The following NAV2 variants were observed in gnomAD, a reference collection of about 807,000 sequenced individuals.
The protein encoded by NAV2 is neuron navigator 2.
NAV2 carries 54 observed loss-of-function variants against 223.2 expected under a neutral mutation model. That is an observed-to-expected ratio of 0.24 (90% confidence interval 0.19 to 0.30). The LOEUF (loss-of-function observed/expected upper bound fraction) is 0.30, where lower values mean the gene tolerates loss of function less well. Ranked by LOEUF, NAV2 falls within the 10% of genes least tolerant of loss-of-function variation. The probability of loss-of-function intolerance (pLI) is 1.00; values close to 1 mark genes in which losing one functional copy is unlikely to be tolerated. For missense variants in NAV2, 2,806 were observed against 3,147.5 expected (o/e 0.89, Z 2.60); for synonymous variants, 1,279 against 1,239.3 (o/e 1.03, Z -0.67).
chr11:19,488,561 A>G (rs2042523713), intron 1 of NAV2, among the ~76,000 whole-genome samples: 1 of 152,156 alleles, frequency 6.6e-6, no homozygotes, highest in African/African-American at 2.4e-5. Flanking sequence ...CCAGATGTGT[A>G]CCCTACAGGG....
rs547842452 is a variant in NAV2, at chr11:19,851,639, C to T, written c.438+8716C>T. Among the ~76,000 whole-genome samples the T allele has an allele frequency of 5.0e-4, 76 of 152,296 alleles. No individual in the cohort carries two copies. The South Asian group carries it at 6.0e-3, about 12-fold the overall frequency. ...AGTTAATGCAAGTGAGAAGGTCATT[C>T]CCTGCCCTGTTTACAAGTCACATAT... is the stretch of plus-strand genomic sequence containing the variant. On this transcript the variant is annotated intron_variant, in intron 3 of 37. Coordinates refer to ENST00000349880, the MANE Select transcript of NAV2 (RefSeq NM_145117.5).
chr11:20,048,431 G>A (rs2153596436), intron 14 of NAV2, among the ~76,000 whole-genome samples: 1 of 152,318 alleles, frequency 6.6e-6, no homozygotes, highest in Admixed American at 6.5e-5. Flanking sequence ...GCAAGATCTT[G>A]GCCCAGTGTC....
chr11:19,621,049 A>G (rs912853852), intron 1 of NAV2, among the ~76,000 whole-genome samples: 2 of 152,180 alleles, frequency 1.3e-5, no homozygotes, highest in Non-Finnish European at 2.9e-5. Flanking sequence ...TTCTGTTTAT[A>G]TGACGGATTA....
intron 7 of NAV2, 101 bp downstream of exon 7, chr11:19,934,378 G>C: frequency 2.2e-6 from 3 of 1,350,126 alleles, no homozygotes; most frequent in Non-Finnish European, 2.9e-6. Context: ...TGTGCTCCAG[G>C]AATACTTAAG....
chr11:19,923,389 C>CAA (rs148743875), intron 6 of NAV2, among the ~76,000 whole-genome samples: 238 of 149,908 alleles, frequency 1.6e-3, no homozygotes, highest in Middle Eastern at 6.9e-3. Context: ...GTCCTGTAGA[C>CAA]AAAAAAAAAA....
At chr11:19,932,257 A>AAAAAAAAAAAAAAAAAAAAAAAAAAAG (rs1555153008) in intron 6 of NAV2, among the ~76,000 whole-genome samples, 2 of 100,006 alleles carry the variant, frequency 2.0e-5, no homozygotes, top group Admixed American at 1.2e-4. Flanking sequence ...AAAAAAAAAA[A>AAAAAAAAAAAAAAAAAAAAAAAAAAAG]AAAGAAAGAA....
intron 11 of NAV2, among the ~76,000 whole-genome samples, chr11:20,017,242 A>G (rs1344805156): frequency 1.3e-5 from 2 of 152,096 alleles, no homozygotes; most frequent in Non-Finnish European, 2.9e-5. Flanking sequence ...TTTTCCACTA[A>G]TGTCCCCACA....
At chr11:20,079,918 A>C in intron 24 of NAV2, 146 bp from the exon 25 acceptor site, 1 of 747,632 alleles carries the variant, frequency 1.3e-6, no homozygotes, top group Non-Finnish European at 2.1e-6. Context: ...GGATCTTAGA[A>C]ACAGCTGTAG....
chr11:19,924,929 C>T (rs2044604569), intron 6 of NAV2, among the ~76,000 whole-genome samples: 1 of 152,136 alleles, frequency 6.6e-6, no homozygotes, highest in East Asian at 1.9e-4. Context: ...CATCTACTAA[C>T]CACAATGCAG....
intron 7 of NAV2, among the ~76,000 whole-genome samples, chr11:19,935,864 T>TTTTTTTTTTTTTGTG (rs1353477125): frequency 9.9e-6 from 1 of 101,154 alleles, no homozygotes; most frequent in African/African-American, 3.5e-5. Flanking sequence ...TTTTTTTTTT[T>TTTTTTTTTTTTTGTG]TTTTTTTTTT....
Position 20,101,101 on chromosome 11 carries a change from G to C in NAV2, c.6346G>C (p.Val2116Leu), listed in dbSNP as rs760628822. 34 of 1,614,030 alleles carry C rather than the reference G, an allele frequency of 2.1e-5. No individual in the cohort carries two copies. Among genetic ancestry groups the C allele is most frequent in the Non-Finnish European group, 5.9e-6 (7 of 1,180,040 alleles). Reference protein sequence around the residue: ...YLANRLSEYIVLREGRELTDG... With the variant: ...YLANRLSEYILLREGRELTDG... Reference sequence around the variant, plus strand: ...GGCCAACCGGCTGTCTGAGTATATAGTGCTTCGAGAGGGACGGGAGTTGAC... The same window carrying C: ...GGCCAACCGGCTGTCTGAGTATATACTGCTTCGAGAGGGACGGGAGTTGAC... The change falls in exon 32 of 38, where the codon GTG becomes CTG. Residue 2116 changes from valine to leucine, a missense_variant. Coordinates refer to ENST00000349880, the MANE Select transcript of NAV2 (RefSeq NM_145117.5).
At chr11:19,535,367 G>A (rs1438657520) in intron 1 of NAV2, among the ~76,000 whole-genome samples, 1 of 152,140 alleles carries the variant, frequency 6.6e-6, no homozygotes, top group East Asian at 1.9e-4. Flanking sequence ...ACAAGTAATA[G>A]CCTAGAGGAG....
At chr11:19,894,842 T>C (rs889714125) in intron 6 of NAV2, among the ~76,000 whole-genome samples, 8 of 152,210 alleles carry the variant, frequency 5.3e-5, no homozygotes, top group Non-Finnish European at 1.0e-4. Context: ...GCGATTCTCC[T>C]GCCTCAGCCT....
At position 19,459,818 on chromosome 11, in the gene NAV2, C is replaced by T. The variant is rs143684491; in HGVS notation, c.75+108791C>T. Among the ~76,000 whole-genome samples, 828 of 152,238 alleles carry T rather than the reference C, an allele frequency of 5.4e-3. 2 individuals carry two copies. The highest frequency in any genetic ancestry group is 7.8e-3 in the Non-Finnish European group (532 of 68,010). ...AAGGAATTTAGGCTTTTCTCTAGGT[C>T]TTGGGAGCCACAGAATGTTTTTGAG... is the stretch of plus-strand genomic sequence containing the variant. On this transcript the variant is annotated intron_variant, in intron 1 of 37. Transcript: ENST00000360655.
At chr11:19,349,217 T>C (rs1279686563), upstream of NAV2, among the ~76,000 whole-genome samples, 1 of 152,228 alleles carries the variant, frequency 6.6e-6, no homozygotes, top group Non-Finnish European at 1.5e-5. Context: ...CAGAAATCTG[T>C]TCTGGCCGAG....
At chr11:19,967,078 A>G (rs2048828831) in intron 10 of NAV2, among the ~76,000 whole-genome samples, 1 of 152,170 alleles carries the variant, frequency 6.6e-6, no homozygotes, top group Non-Finnish European at 1.5e-5. Flanking sequence ...GGCCTATAAC[A>G]TGTGATTGTC....
chr11:19,500,680 A>G (rs985013611), intron 1 of NAV2, among the ~76,000 whole-genome samples: 2 of 152,154 alleles, frequency 1.3e-5, no homozygotes, highest in African/African-American at 4.8e-5. Flanking sequence ...GAATAACAAT[A>G]CTAATGATAT....
chr11:19,898,745 GATT>G (rs775652938), intron 6 of NAV2, among the ~76,000 whole-genome samples: 3 of 152,114 alleles, frequency 2.0e-5, no homozygotes, highest in Non-Finnish European at 2.9e-5. Flanking sequence ...GCTCCCAAAA[GATT>G]ATACCTATTT....
intron 2 of NAV2, among the ~76,000 whole-genome samples, chr11:19,841,970 A>G (rs2060536961): frequency 6.6e-6 from 1 of 152,190 alleles, no homozygotes; most frequent in South Asian, 2.1e-4. Context: ...ACTGTGACCC[A>G]AAGAGGTCGA....
Sources: gnomAD v4.1 joint callset for allele counts (sites outside exome capture counted in the v4.1 genomes callset) on GRCh38, gnomAD v4.1.1 for gene constraint, MANE v1.5 for transcripts, NCBI Gene and HGNC (gene_info 2026-07-23, HGNC 2026-07-21) for gene names.